The following NXPE3 variants were observed in gnomAD, a reference collection of about 807,000 sequenced individuals.
NXPE3 encodes NXPE family member 3.
A neutral mutation model predicts 46.1 loss-of-function variants in NXPE3; 26 were observed. That is an observed-to-expected ratio of 0.56 (90% confidence interval 0.41 to 0.78). The LOEUF is 0.78. NXPE3 is among the 30% of genes least tolerant of loss of function. NXPE3 has a pLI of 0.00. For synonymous variants in NXPE3, 272 were observed against 257.9 expected, an observed-to-expected ratio of 1.05 and a Z score of -0.52; for missense variants, 620 against 686.0, an observed-to-expected ratio of 0.90 and a Z score of 1.07.
At chr3:101,796,815 T>G (rs535960227) in intron 4 of NXPE3, among the ~76,000 whole-genome samples, 123 of 152,320 alleles carry the variant, frequency 8.1e-4, no homozygotes, top group Non-Finnish European at 1.4e-3. Flanking sequence ...CATTAAACAT[T>G]CTTGTATCTT....
chr3:101,792,849 T>C (rs1397979562), intron 4 of NXPE3, among the ~76,000 whole-genome samples: 1 of 152,248 alleles, frequency 6.6e-6, no homozygotes, highest in South Asian at 2.1e-4. Context: ...GTAAATTGCT[T>C]TGGGCAGTAT....
At chr3:101,819,801 G>A (rs1942164018) in intron 7 of NXPE3, among the ~76,000 whole-genome samples, 1 of 152,080 alleles carries the variant, frequency 6.6e-6, no homozygotes, top group South Asian at 2.1e-4. Flanking sequence ...TGAAATATAT[G>A]ATACATGATT....
At chr3:101,791,420 C>G (rs923122912) in intron 4 of NXPE3, among the ~76,000 whole-genome samples, 3 of 152,194 alleles carry the variant, frequency 2.0e-5, no homozygotes, top group Admixed American at 6.5e-5. Context: ...GAGTCTTGCA[C>G]TGTCACCTGG....
intron 4 of NXPE3, among the ~76,000 whole-genome samples, chr3:101,800,574 C>A (rs925502933): frequency 6.2e-4 from 95 of 152,232 alleles, no homozygotes; most frequent in African/African-American, 2.2e-3. Context: ...TTTCTGCCTG[C>A]TGGATCTGTG....
chr3:101,813,488 T>TA (rs2107336184), intron 6 of NXPE3, among the ~76,000 whole-genome samples: 1 of 152,338 alleles, frequency 6.6e-6, no homozygotes, highest in African/African-American at 2.4e-5. Context: ...TCATTATGGC[T>TA]AATGGATTAC....
At chr3:101,796,448 G>A (rs2107279995) in intron 4 of NXPE3, among the ~76,000 whole-genome samples, 1 of 152,334 alleles carries the variant, frequency 6.6e-6, no homozygotes, top group South Asian at 2.1e-4. Flanking sequence ...CCAAATGTGT[G>A]GTGATTTCTG....
At chr3:101,820,110 G>A (rs536284379) in intron 7 of NXPE3, among the ~76,000 whole-genome samples, 3 of 152,218 alleles carry the variant, frequency 2.0e-5, no homozygotes, top group Non-Finnish European at 2.9e-5. Flanking sequence ...TTGCTGATAT[G>A]TGCTCATAAA....
chr3:101,805,791 C>G (rs541956968), intron 5 of NXPE3, among the ~76,000 whole-genome samples: 1 of 151,898 alleles, frequency 6.6e-6, no homozygotes, highest in East Asian at 1.9e-4. Flanking sequence ...TAGATTGAGG[C>G]TAAATATTTT....
chr3:101,794,215 G>T (rs1352322280), intron 4 of NXPE3, among the ~76,000 whole-genome samples: 1 of 152,056 alleles, frequency 6.6e-6, no homozygotes, highest in Admixed American at 6.6e-5. Flanking sequence ...TGGGGAAAGA[G>T]ATTATAGAGA....
intron 7 of NXPE3, among the ~76,000 whole-genome samples, chr3:101,819,962 A>G (rs1181851823): frequency 1.3e-5 from 2 of 152,182 alleles, no homozygotes. Flanking sequence ...AGTTCCACAT[A>G]TAAGTCAGTA....
chr3:101,817,604 G>T (rs546822061), intron 7 of NXPE3, among the ~76,000 whole-genome samples: 23 of 152,212 alleles, frequency 1.5e-4, no homozygotes, highest in African/African-American at 5.3e-4. Flanking sequence ...TGGCTCTGGG[G>T]CTGTTCTCCA....
chr3:101,786,193 T>C (rs1269455977), intron 4 of NXPE3, among the ~76,000 whole-genome samples: 2 of 152,162 alleles, frequency 1.3e-5, no homozygotes, highest in Non-Finnish European at 2.9e-5. Context: ...CAAGGGCCTG[T>C]CACTAAGAAG....
At chr3:101,818,709 G>T (rs957269536) in intron 7 of NXPE3, among the ~76,000 whole-genome samples, 1 of 70,402 alleles carries the variant, frequency 1.4e-5, no homozygotes, top group Non-Finnish European at 2.6e-5. Context: ...AAGAATATAT[G>T]ACAATTTATA....
intron 6 of NXPE3, among the ~76,000 whole-genome samples, chr3:101,808,057 G>A (rs965546541): frequency 6.2e-4 from 95 of 152,290 alleles, no homozygotes; most frequent in African/African-American, 2.2e-3. Flanking sequence ...GCATTACCAG[G>A]CAACCTGATA....
chr3:101,796,691 A>G (rs1940847113), intron 4 of NXPE3, among the ~76,000 whole-genome samples: 1 of 152,250 alleles, frequency 6.6e-6, no homozygotes. Flanking sequence ...TTAAATGAAC[A>G]AATACTGCCA....
At chr3:101,803,885 G>T (rs1049635428) in intron 5 of NXPE3, among the ~76,000 whole-genome samples, 4 of 152,162 alleles carry the variant, frequency 2.6e-5, no homozygotes, top group Admixed American at 2.0e-4. Context: ...CTCCCAAAGG[G>T]CTGGAATTAC....
chr3:101,813,360 C>T (rs1560062200), intron 6 of NXPE3, among the ~76,000 whole-genome samples: 3 of 152,162 alleles, frequency 2.0e-5, no homozygotes, highest in South Asian at 2.1e-4. Flanking sequence ...CTCCCTGCCC[C>T]GCCCCACCTC....
intron 6 of NXPE3, among the ~76,000 whole-genome samples, chr3:101,807,611 C>A (rs988341541): frequency 6.6e-6 from 1 of 151,866 alleles, no homozygotes; most frequent in Admixed American, 6.6e-5. Context: ...GACATGTGCA[C>A]GGCCGAGTTT....
At position 101,785,506 on chromosome 3, in the gene NXPE3, T is replaced by C; in HGVS notation, c.-91T>C. On this transcript the variant is annotated 5_prime_UTR_variant, in exon 4 of 8. Transcript: ENST00000273347. Reference sequence around the variant, plus strand: ...GATAGAAGCAAATGAAACTGAAAGCTCATCTGCAGCTCAGAAAAGCAAAGA... The same window carrying C: ...GATAGAAGCAAATGAAACTGAAAGCCCATCTGCAGCTCAGAAAAGCAAAGA... 1.8e-6 allele frequency: 2 copies of C among 1,107,280 alleles called. No homozygotes were observed. The highest frequency in any genetic ancestry group is 2.5e-5 in the South Asian group (2 of 79,480). The allele number at this position is 1,107,280 out of a possible 1,614,324, so 68.6% of individuals were successfully genotyped here.
Sources: gnomAD v4.1 joint callset for allele counts (sites outside exome capture counted in the v4.1 genomes callset) on GRCh38, gnomAD v4.1.1 for gene constraint, MANE v1.5 for transcripts, NCBI Gene and HGNC (gene_info 2026-07-23, HGNC 2026-07-21) for gene names.